STAP2: variants seen among roughly 807,000 people sequenced by gnomAD.
STAP2 encodes signal-transducing adaptor protein 2.
In STAP2, 58 loss-of-function variants were observed where a neutral mutation model predicts 52.7. That is an observed-to-expected ratio of 1.10 (90% CI 0.89 to 1.37). STAP2 has a LOEUF of 1.37. Ranked by LOEUF, STAP2 falls within the 40% of genes most tolerant of loss-of-function variation. STAP2 has a pLI of 0.00. For synonymous variants in STAP2, 231 were observed against 210.5 expected (o/e 1.10, Z -0.84); for missense variants, 522 against 519.4 (o/e 1.00, Z -0.05).
intron 3 of STAP2, among the ~76,000 whole-genome samples, chr19:4,332,425 T>C (rs763537709): frequency 8.6e-5 from 13 of 151,846 alleles, no homozygotes; most frequent in Middle Eastern, 3.4e-3. Flanking sequence ...AGGCTGGTCT[T>C]GAACTCCTGG....
At chr19:4,330,807 C>T (rs1385189940) in intron 4 of STAP2, among the ~76,000 whole-genome samples, 6 of 150,478 alleles carry the variant, frequency 4.0e-5, no homozygotes, top group East Asian at 4.1e-4. Flanking sequence ...CTCCGACTCC[C>T]GGGTTCAAGC....
chr19:4,327,037 C>G (rs1971804136), intron 8 of STAP2, 30 bp from the exon 9 acceptor site: 1 of 1,588,260 alleles, frequency 6.3e-7, no homozygotes, highest in Non-Finnish European at 8.6e-7. Flanking sequence ...CTGGAGGAAG[C>G]GCGGCGGCCA....
intron 1 of STAP2, chr19:4,338,143 C>A (rs571550155): frequency 1.3e-5 from 2 of 149,952 alleles, no homozygotes; most frequent in Non-Finnish European, 2.9e-5. Context: ...CACACATGCA[C>A]GCACTGTCCA....
intron 3 of STAP2, 77 bp from the exon 4 acceptor site, chr19:4,332,155 A>T (rs753325150): frequency 5.3e-6 from 6 of 1,123,914 alleles, no homozygotes; most frequent in Middle Eastern, 4.3e-4. Context: ...ACTAGGGAAG[A>T]GTCCCTGCTT....
rs766290366 is a variant in STAP2 at position 4,330,009 on chromosome 19, G to A, written c.407C>T (p.Ser136Phe). Residue 136 changes from serine to phenylalanine, a missense_variant, in exon 5 of 13, where the codon TCT (serine) becomes TTT (phenylalanine). Ser to Phe is a radical substitution (Grantham distance 155). Coordinates refer to ENST00000594605, the MANE Select transcript of STAP2 (RefSeq NM_001013841.2). ...CGCCTCCTCTTTGGCCAAGACTTCA[G>A]ACATCATGTATAGGTGCCCAGGAAG... is the stretch of plus-strand genomic sequence containing the variant. ...TLLPGHLYMMSEVLAKEEARR... is the reference protein window; with the variant it reads ...TLLPGHLYMMFEVLAKEEARR... 1 of 1,613,722 alleles carries A rather than the reference G, an allele frequency of 6.2e-7. No individual in the cohort carries two copies. The highest frequency in any genetic ancestry group is 1.1e-5 in the South Asian group (1 of 91,084).
chr19:4,338,570 GAGT>G, intron 1 of STAP2, 79 bp downstream of exon 1: 50 of 781,604 alleles, frequency 6.4e-5, no homozygotes, highest in Non-Finnish European at 7.7e-5. Context: ...CCCCCTTGGC[GAGT>G]GGGGAGACAG....
At chr19:4,333,495 C>CA (rs998332134) in intron 3 of STAP2, among the ~76,000 whole-genome samples, 199 bp downstream of exon 3, 9 of 150,584 alleles carry the variant, frequency 6.0e-5, no homozygotes, top group African/African-American at 2.2e-4. Context: ...GACTTGGTCT[C>CA]AAAAAAAAAG....
At chr19:4,329,112 T>G (rs1408695238) in intron 5 of STAP2, 3 of 355,622 alleles carry the variant, frequency 8.4e-6, no homozygotes, top group Non-Finnish European at 1.5e-5. Flanking sequence ...GCGATTCCCC[T>G]TCCTCACAGG....
At chr19:4,327,792 T>C (rs1300602306) in intron 6 of STAP2, among the ~76,000 whole-genome samples, 5 of 150,906 alleles carry the variant, frequency 3.3e-5, no homozygotes, top group Non-Finnish European at 7.4e-5. Context: ...CCCCCTGTAA[T>C]GGCTCCACCC....
intron 3 of STAP2, 60 bp from the exon 4 acceptor site, chr19:4,332,138 A>G (rs1971902044): frequency 4.1e-6 from 6 of 1,452,232 alleles, no homozygotes; most frequent in Non-Finnish European, 3.8e-6. Context: ...CTCATCAATG[A>G]AATTGGACTA....
At chr19:4,333,398 A>G (rs1971924770) in intron 3 of STAP2, among the ~76,000 whole-genome samples, 1 of 152,102 alleles carries the variant, frequency 6.6e-6, no homozygotes, top group African/African-American at 2.4e-5. Context: ...TGGGAGGCTG[A>G]GGCAGGAGAA....
Position 4,327,000 on chromosome 19 carries a change from C to T in STAP2, c.771G>A (p.Val257=), listed in dbSNP as rs532978808. The change falls in exon 9 of 13, where the codon GTG becomes GTA. Residue 257 remains valine, a synonymous_variant. Transcript: ENST00000594605. The part of the protein sequence containing the change: ...DEDYEKVLGY[V]EADKENGENV... ...TCTCGCCATTCTCCTTATCGGCTTC[C>T]ACGTAGCCTGGAACAGAGAGGGCGG... 3.2e-6 allele frequency: 5 copies of T among 1,560,246 alleles called. No individual in the cohort carries two copies. The African/African-American group carries it at 6.8e-5, about 21-fold the overall frequency.
chr19:4,335,005 TCAATC>T (rs1971958339), intron 1 of STAP2, among the ~76,000 whole-genome samples: 3 of 142,876 alleles, frequency 2.1e-5, no homozygotes, highest in Admixed American at 6.9e-5. Context: ...CACCCACTCA[TCAATC>T]CATCCACCCA....
rs1351313484 is a variant in STAP2, at chr19:4,328,661, A to G, written c.590+14T>C. The stretch of plus-strand genomic sequence containing the variant: ...CCTCCTCCCACCCAGGGCTCTCCAG[A>G]CGCGCATGCGCACCCGTTGTGCATC... On this transcript the variant is annotated intron_variant, in intron 6 of 12. Coordinates refer to ENST00000594605, the MANE Select transcript of STAP2 (RefSeq NM_001013841.2). 2 of 1,581,888 alleles carry G rather than the reference A, an allele frequency of 1.3e-6. No individual in the cohort carries two copies. Among genetic ancestry groups the G allele is most frequent in the Non-Finnish European group, 1.7e-6 (2 of 1,164,640 alleles).
chr19:4,337,548 CA>C (rs376844059), intron 1 of STAP2, among the ~76,000 whole-genome samples: 44,787 of 100,278 alleles, frequency 0.45, 7,218 homozygotes, highest in East Asian at 0.62. Context: ...ACCCCATCTT[CA>C]AAAAAAAAAA....
intron 1 of STAP2, among the ~76,000 whole-genome samples, chr19:4,336,533 T>C (rs1020431899): frequency 2.6e-5 from 4 of 151,054 alleles, no homozygotes; most frequent in Non-Finnish European, 5.9e-5. Context: ...AGGCTGGTCT[T>C]GAACTCCTGA....
rs1057212303 is a variant in STAP2, at chr19:4,329,948, G to A, written c.455+13C>T. 1 of 1,609,430 alleles carries A rather than the reference G, an allele frequency of 6.2e-7. No homozygotes were observed. The highest frequency in any genetic ancestry group is 1.7e-5 in the Admixed American group (1 of 59,886). ...CCCATCCTGCAGCCCCTCGGGACAG[G>A]CGGGACACTCACGAGGGTGTCTCCA... On this transcript the variant is annotated intron_variant, in intron 5 of 12. Transcript: ENST00000594605.
chr19:4,327,136 C>T lies in STAP2; in HGVS notation c.751G>A (p.Glu251Lys), dbSNP rs370280345. Residue 251 changes from glutamate (E) to lysine (K), a missense_variant, in exon 8 of 13, where the codon GAG becomes AAG. Transcript: ENST00000594605. ...AAGGGGCACCCACCTAGCACCTTCT[C>T]GTAGTCCTCGTCTAACAGGAATGGC... ...LVPFLLDEDY[E>K]KVLGYVEADK... 14 of 1,614,042 alleles carry T rather than the reference C, an allele frequency of 8.7e-6. No individual in the cohort carries two copies. The highest frequency in any genetic ancestry group is 2.7e-5 in the African/African-American group (2 of 74,934).
intron 1 of STAP2, among the ~76,000 whole-genome samples, chr19:4,335,168 A>C (rs1486026459): frequency 7.2e-6 from 1 of 138,742 alleles, no homozygotes; most frequent in African/African-American, 2.8e-5. Context: ...CCATCCACCT[A>C]CTCATCCATC....
Sources: allele counts gnomAD v4.1 joint callset (sites outside exome capture counted in the v4.1 genomes callset), GRCh38; gene constraint gnomAD v4.1.1; transcripts MANE v1.5; gene names NCBI Gene and HGNC (gene_info 2026-07-23, HGNC 2026-07-21).